KIF6: variants seen among roughly 807,000 people sequenced by gnomAD.
The protein encoded by KIF6 is kinesin-like protein KIF6.
Under a neutral mutation model 112.7 loss-of-function variants are expected in KIF6, and 106 were observed. That is an observed-to-expected ratio of 0.94 (90% CI 0.80 to 1.11). The LOEUF is 1.11. Among genes scored for constraint, KIF6 ranks in the 50% least tolerant of loss-of-function variants. The pLI is 0.00. For synonymous variants in KIF6, 339 were observed against 339.9 expected, an observed-to-expected ratio of 1.00 and a Z score of 0.03; for missense variants, 929 against 964.0, an observed-to-expected ratio of 0.96 and a Z score of 0.48.
chr6:39,338,687 A>C (rs1583820004), intron 22 of KIF6, among the ~76,000 whole-genome samples: 1 of 152,184 alleles, frequency 6.6e-6, no homozygotes, highest in African/African-American at 2.4e-5. Context: ...GGGTGGGTCC[A>C]GGTGATTCTG....
At chr6:39,598,605 GTATCTATA>G (rs893341404) in intron 6 of KIF6, among the ~76,000 whole-genome samples, 17 of 151,502 alleles carry the variant, frequency 1.1e-4, no homozygotes, top group African/African-American at 3.6e-4. Context: ...GTGTGTGTGT[GTATCTATA>G]TATCTATATA....
Position 39,686,885 on chromosome 6 carries a change from G to A in KIF6, c.251+27807C>T, listed in dbSNP as rs55967100. Reference sequence around the variant, plus strand: ...ATACCTGAGACTAGTATAATTACAGGCTACCATTCTATGACATTTTAATGA... The same window carrying A: ...ATACCTGAGACTAGTATAATTACAGACTACCATTCTATGACATTTTAATGA... On this transcript the variant is annotated intron_variant, in intron 3 of 22. Coordinates refer to ENST00000287152, the MANE Select transcript of KIF6 (RefSeq NM_145027.6). 2.7e-3 allele frequency among the ~76,000 whole-genome samples: 418 copies of A among 152,148 alleles called. 2 individuals are homozygous for A. Among genetic ancestry groups the A allele is most frequent in the Non-Finnish European group, 4.9e-3 (332 of 68,000 alleles).
At chr6:39,356,025 G>T (rs903571089) in intron 19 of KIF6, among the ~76,000 whole-genome samples, 1 of 151,670 alleles carries the variant, frequency 6.6e-6, no homozygotes, top group Admixed American at 6.6e-5. Context: ...CACCCAGGAC[G>T]CCACTTTACA....
intron 3 of KIF6, among the ~76,000 whole-genome samples, chr6:39,647,055 G>A (rs963439942): frequency 6.6e-6 from 1 of 152,164 alleles, no homozygotes; most frequent in Non-Finnish European, 1.5e-5. Context: ...CATAAATTCA[G>A]TAGCTTAAAT....
In KIF6 at chr6:39,343,363, C is replaced by T. The variant is rs1264016376; in HGVS notation, c.2428+346G>A. ...AACGAGTTACCAAAACATCACTCAG[C>T]CCCTTCCTGTTTGTAGAAGCCTGAG... is the stretch of plus-strand genomic sequence containing the variant. On this transcript the variant is annotated intron_variant, in intron 22 of 22. Coordinates refer to ENST00000287152, the MANE Select transcript of KIF6 (RefSeq NM_145027.6). This position sits in a 1 kb window ranked among gnomAD's most constrained non-coding sequence, Gnocchi z 4.1. 21 of 1,313,426 alleles carry T rather than the reference C, an allele frequency of 1.6e-5. No individual in the cohort carries two copies. Among genetic ancestry groups the T allele is most frequent in the Non-Finnish European group, 2.0e-5 (20 of 1,004,812 alleles). The allele number at this position is 1,313,426 out of a possible 1,614,324, so 81.4% of individuals were successfully genotyped here.
chr6:39,366,468 T>C (rs1352806738), intron 16 of KIF6, among the ~76,000 whole-genome samples: 1 of 152,178 alleles, frequency 6.6e-6, no homozygotes, highest in African/African-American at 2.4e-5. Flanking sequence ...CAATTGAGTC[T>C]GCAACATCAT....
At chr6:39,524,155 A>T (rs909887412) in intron 13 of KIF6, among the ~76,000 whole-genome samples, 1 of 90,378 alleles carries the variant, frequency 1.1e-5, no homozygotes, top group Non-Finnish European at 2.1e-5. Flanking sequence ...TGTGTGAAAG[A>T]GAGAGAGAGA....
chr6:39,360,520 T>G lies in KIF6; in HGVS notation c.1957A>C (p.Met653Leu). The G allele has an allele frequency of 6.2e-7, 1 of 1,614,200 alleles. No individual in the cohort carries two copies. Among genetic ancestry groups the G allele is most frequent in the Non-Finnish European group, 8.5e-7 (1 of 1,180,034 alleles). Residue 653 changes from methionine (M) to leucine (L), a missense_variant, in exon 18 of 23, where the codon ATG becomes CTG. Around this residue, in one of 2 missense-constraint regions of KIF6, gnomAD observed 241 missense variants for 301.4 expected, o/e 0.80. Coordinates refer to ENST00000287152, the MANE Select transcript of KIF6 (RefSeq NM_145027.6). ...TTCAGGGCTTTCAGGCGAGTGAACA[T>G]TGTTTTATACCTGCGGTGGAATCGG... ...LEEEKRRYKT[M>L]FTRLKALKVE...
rs1477313458 is a variant in KIF6, at chr6:39,378,130, G to A, written c.1861+7492C>T. On this transcript the variant is annotated intron_variant, in intron 16 of 22. Coordinates refer to ENST00000287152, the MANE Select transcript of KIF6 (RefSeq NM_145027.6). The surrounding 1 kb of genome is among the most constrained non-coding windows in gnomAD (Gnocchi z 5.0). Reference sequence around the variant, plus strand: ...TCCAGTAAGCTCTGTTTTCACAGAAGTTGGGTCAAGGGGTAAACGCAGAGA... The same window carrying A: ...TCCAGTAAGCTCTGTTTTCACAGAAATTGGGTCAAGGGGTAAACGCAGAGA... 1.3e-5 allele frequency among the ~76,000 whole-genome samples: 2 copies of A among 152,044 alleles called. No homozygotes were observed. Among genetic ancestry groups the A allele is most frequent in the African/African-American group, 2.4e-5 (1 of 41,378 alleles).
rs999559911 is a variant in KIF6, at chr6:39,394,540, C to T, written c.1811-8868G>A. 1.8e-4 allele frequency among the ~76,000 whole-genome samples: 27 copies of T among 152,294 alleles called. 2 individuals are homozygous for T. In the South Asian group the frequency reaches 3.7e-3, roughly 21 times the overall value. The stretch of plus-strand genomic sequence containing the variant: ...GAAGACAGAGAGTCCCAGAGGCAGC[C>T]CAAGACAGCAAGGGATTTCCATTGG... On this transcript the variant is annotated intron_variant, in intron 15 of 22. Coordinates refer to ENST00000287152, the MANE Select transcript of KIF6 (RefSeq NM_145027.6).
chr6:39,412,085 G>C (rs1034570335), intron 15 of KIF6, among the ~76,000 whole-genome samples: 5 of 152,080 alleles, frequency 3.3e-5, no homozygotes, highest in Admixed American at 6.5e-5. Flanking sequence ...TTTCTTGGTG[G>C]CATTCCAACC....
At position 39,676,454 on chromosome 6, in the gene KIF6, A is replaced by G. The variant is rs529180757; in HGVS notation, c.252-36697T>C. ...CTCTGAATAAGCCATCAAAGGATGT[A>G]CTTCAGGAAGAAGGAAACTGAAACC... On this transcript the variant is annotated intron_variant, in intron 3 of 22. Transcript: ENST00000287152. Among the ~76,000 whole-genome samples the G allele has an allele frequency of 5.9e-5, 9 of 152,314 alleles. 1 individual carries two copies. In the East Asian group the frequency reaches 1.7e-3, roughly 29 times the overall value.
chr6:39,581,453 G>A (rs577114864), intron 9 of KIF6, among the ~76,000 whole-genome samples: 5 of 151,900 alleles, frequency 3.3e-5, no homozygotes, highest in African/African-American at 1.2e-4. Context: ...ACTGCGCCCG[G>A]CCCGCTTTAC....
In KIF6 at chr6:39,691,560, T is replaced by C. The variant is rs1582459991; in HGVS notation, c.251+23132A>G. On this transcript the variant is annotated intron_variant, in intron 3 of 22. Coordinates refer to ENST00000287152, the MANE Select transcript of KIF6 (RefSeq NM_145027.6). ...GAATTTCTATGTATGAAAACAGAAC[T>C]GTGTTATTTAATGTAGCCATATAAA... is the stretch of plus-strand genomic sequence containing the variant. 2.6e-5 allele frequency: 4 copies of C among 152,226 alleles called. No homozygotes were observed. In the South Asian group the frequency reaches 8.3e-4, roughly 31 times the overall value. 9.4% of individuals were successfully genotyped at this position (152,226 alleles called of 1,614,324 possible).
In KIF6 at chr6:39,343,154, G is replaced by A; in HGVS notation, c.2428+555C>T. On this transcript the variant is annotated intron_variant, in intron 22 of 22. Transcript: ENST00000287152. The surrounding 1 kb of genome is among the most constrained non-coding windows in gnomAD (Gnocchi z 4.1). ...TGCCAAGAGGACGGGGCTGGGGGTG[G>A]AGGGGGCAGTGATGCAGACCAAGAA... The A allele has an allele frequency of 2.0e-6, 2 of 985,370 alleles. No individual in the cohort carries two copies. The highest frequency in any genetic ancestry group is 6.1e-5 in the Admixed American group (1 of 16,292). 61.0% of individuals were successfully genotyped at this position (985,370 alleles called of 1,614,324 possible). A position where few individuals can be genotyped will look rare whatever the true frequency, so the allele number is the denominator to read the frequency against.
At chr6:39,458,597 C>G (rs1416521368) in intron 13 of KIF6, among the ~76,000 whole-genome samples, 1 of 145,968 alleles carries the variant, frequency 6.9e-6, no homozygotes, top group African/African-American at 2.5e-5. Flanking sequence ...TGTTTGCAGA[C>G]GACATGATTG....
At position 39,486,388 on chromosome 6, in the gene KIF6, T is replaced by C. The variant is rs78978940; in HGVS notation, c.1645+53615A>G. 2.0e-3 allele frequency among the ~76,000 whole-genome samples: 306 copies of C among 152,286 alleles called. 2 individuals are homozygous for C. The highest frequency in any genetic ancestry group is 6.9e-3 in the African/African-American group (285 of 41,560). On this transcript the variant is annotated intron_variant, in intron 13 of 22. Coordinates refer to ENST00000287152, the MANE Select transcript of KIF6 (RefSeq NM_145027.6). Reference sequence around the variant, plus strand: ...CCTTCTAGAGCACCCGTCATGTGGATGGGCCATCTGGGGCCCTCAGCAATG... The same window carrying C: ...CCTTCTAGAGCACCCGTCATGTGGACGGGCCATCTGGGGCCCTCAGCAATG...
rs1778952713 is a variant in KIF6 at position 39,544,374 on chromosome 6, T to C, written c.1426+181A>G. The C allele has an allele frequency of 8.6e-6, 4 of 466,206 alleles. No homozygotes were observed. In the Middle Eastern group the frequency reaches 1.2e-3, roughly 144 times the overall value. 28.9% of individuals were successfully genotyped at this position (466,206 alleles called of 1,614,324 possible). On this transcript the variant is annotated intron_variant, in intron 12 of 22. Coordinates refer to ENST00000287152, the MANE Select transcript of KIF6 (RefSeq NM_145027.6). ...AAAACAAACACATTTTTTTCTTTTA[T>C]AGAAACTCTTTTTCACTGGTTGCAA...
Position 39,622,891 on chromosome 6 carries a change from G to A in KIF6, c.510-9573C>T, listed in dbSNP as rs191567979. 1.8e-3 allele frequency among the ~76,000 whole-genome samples: 280 copies of A among 152,272 alleles called. 2 individuals carry two copies. Among genetic ancestry groups the A allele is most frequent in the Middle Eastern group, 6.8e-3 (2 of 294 alleles). ...CAGAATGATGGAAGGAAGCCCTGAAGGCATCCTGGAGCTTCCACAGCAGCC... is the reference window on the plus strand; with the variant it reads ...CAGAATGATGGAAGGAAGCCCTGAAAGCATCCTGGAGCTTCCACAGCAGCC... On this transcript the variant is annotated intron_variant, in intron 5 of 22. Transcript: ENST00000287152.
Sources: allele counts gnomAD v4.1 joint callset (sites outside exome capture counted in the v4.1 genomes callset), GRCh38; gene constraint gnomAD v4.1.1; regional missense constraint gnomAD v4.1.1; non-coding constraint Gnocchi (gnomAD v3.1); transcripts MANE v1.5; gene names NCBI Gene and HGNC (gene_info 2026-07-23, HGNC 2026-07-21).